ASB18: variants seen among roughly 807,000 people sequenced by gnomAD.
ASB18 encodes ankyrin repeat and SOCS box protein 18.
In ASB18, 33 loss-of-function variants were observed where a neutral mutation model predicts 33.4. The observed-to-expected ratio is 0.99, with a 90% CI of 0.75 to 1.32. The LOEUF (loss-of-function observed/expected upper bound fraction) is 1.32. ASB18 is among the 40% of genes most tolerant of loss of function. The probability of loss-of-function intolerance (pLI) is 0.00; values close to 1 mark genes in which losing one functional copy is unlikely to be tolerated. For missense variants in ASB18, 694 were observed against 655.5 expected (o/e 1.06, Z -0.64); for synonymous variants, 295 against 307.6 (o/e 0.96, Z 0.43).
In ASB18 at chr2:236,255,127, T is replaced by C. The variant is rs2060686255; in HGVS notation, c.205+9014A>G. Reference sequence around the variant, plus strand: ...CAGAACCGTGAGCCAATTAAACCTCTGGTATTTCTTTCTTTTTCTTTTTTT... The same window carrying C: ...CAGAACCGTGAGCCAATTAAACCTCCGGTATTTCTTTCTTTTTCTTTTTTT... On this transcript the variant is annotated intron_variant, in intron 1 of 5. Coordinates refer to ENST00000409749, the MANE Select transcript of ASB18 (RefSeq NM_212556.4). The surrounding 1 kb of genome is among the most constrained non-coding windows in gnomAD (Gnocchi z 4.4). Among the ~76,000 whole-genome samples, 1 of 152,114 alleles carries C rather than the reference T, an allele frequency of 6.6e-6. No homozygotes were observed. The highest frequency in any genetic ancestry group is 6.5e-5 in the Admixed American group (1 of 15,276).
intron 4 of ASB18, among the ~76,000 whole-genome samples, chr2:236,201,194 T>C (rs1429297748): frequency 1.3e-5 from 2 of 151,928 alleles, no homozygotes; most frequent in Non-Finnish European, 2.9e-5. Flanking sequence ...CTCTGTCACC[T>C]ATGCTGCAGT....
rs564676752 is a variant in ASB18, at chr2:236,196,496, C to T, written c.1102-111G>A. On this transcript the variant is annotated intron_variant, in intron 4 of 5. Coordinates refer to ENST00000409749, the MANE Select transcript of ASB18 (RefSeq NM_212556.4). The surrounding 1 kb of genome is among the most constrained non-coding windows in gnomAD (Gnocchi z 5.6). ...TCTCCCTAGCTGTGTGACCTCCCTA[C>T]GCCCAAGCCACACAGGGAACAGCAA... 5.1e-4 allele frequency: 337 copies of T among 656,882 alleles called. 2 individuals are homozygous for T. In the South Asian group the frequency reaches 5.2e-3, roughly 10 times the overall value. The allele number at this position is 656,882 out of a possible 1,614,324, so 40.7% of individuals were successfully genotyped here. A position where few individuals can be genotyped will look rare whatever the true frequency, so the allele number is the denominator to read the frequency against.
chr2:236,237,017 G>C lies in ASB18; in HGVS notation c.596+672C>G, dbSNP rs1479186582. Among the ~76,000 whole-genome samples, 3 of 152,116 alleles carry C rather than the reference G, an allele frequency of 2.0e-5. No individual in the cohort carries two copies. Among genetic ancestry groups the C allele is most frequent in the Non-Finnish European group, 4.4e-5 (3 of 68,014 alleles). On this transcript the variant is annotated intron_variant, in intron 3 of 5. Transcript: ENST00000409749. This position sits in a 1 kb window ranked among gnomAD's most constrained non-coding sequence, Gnocchi z 6.2. ...AGCACACGCTGGGAGGGCGCTCTCT[G>C]GGGACGGGGGCTGCGGGACCCCCAG...
chr2:236,214,337 C>T lies in ASB18; in HGVS notation c.1101+25G>A. On this transcript the variant is annotated intron_variant, in intron 4 of 5. Coordinates refer to ENST00000409749, the MANE Select transcript of ASB18 (RefSeq NM_212556.4). The surrounding 1 kb of genome is among the most constrained non-coding windows in gnomAD (Gnocchi z 6.5). ...AAGTGGCAAAACTCCAGGGCACGTG[C>T]CAGCCGGGCTGGATCCTGCCTTACC... The T allele has an allele frequency of 6.4e-7, 1 of 1,554,344 alleles. No homozygotes were observed.
In ASB18 at chr2:236,239,129, G is replaced by A. The variant is rs1003003600; in HGVS notation, c.329-1173C>T. On this transcript the variant is annotated intron_variant, in intron 2 of 5. Coordinates refer to ENST00000409749, the MANE Select transcript of ASB18 (RefSeq NM_212556.4). This position sits in a 1 kb window ranked among gnomAD's most constrained non-coding sequence, Gnocchi z 5.6. ...GTGAAGACCAGGTCGGATCTGGAGG[G>A]GGTGATGGATGTAGTCTATCTACAT... Among the ~76,000 whole-genome samples the A allele has an allele frequency of 6.6e-6, 1 of 152,152 alleles. No homozygotes were observed. The highest frequency in any genetic ancestry group is 1.5e-5 in the Non-Finnish European group (1 of 68,032).
Position 236,249,638 on chromosome 2 carries a change from C to T in ASB18, c.206-8236G>A, listed in dbSNP as rs1267571213. On this transcript the variant is annotated intron_variant, in intron 1 of 5. Coordinates refer to ENST00000409749, the MANE Select transcript of ASB18 (RefSeq NM_212556.4). The surrounding 1 kb of genome is among the most constrained non-coding windows in gnomAD (Gnocchi z 4.6). ...GAATATAATTTTCTCCAAGCCAGTACATTTAGTATTTTTAGTTTTTCAAAT... is the reference window on the plus strand; with the variant it reads ...GAATATAATTTTCTCCAAGCCAGTATATTTAGTATTTTTAGTTTTTCAAAT... 1 of 152,152 alleles carries T rather than the reference C, an allele frequency of 6.6e-6. No homozygotes were observed. Among genetic ancestry groups the T allele is most frequent in the Non-Finnish European group, 1.5e-5 (1 of 68,036 alleles). 9.4% of individuals were successfully genotyped at this position (152,152 alleles called of 1,614,324 possible). A position where few individuals can be genotyped will look rare whatever the true frequency, so the allele number is the denominator to read the frequency against.
At position 236,200,239 on chromosome 2, in the gene ASB18, C is replaced by T. The variant is rs1049084519; in HGVS notation, c.1102-3854G>A. 2.0e-5 allele frequency among the ~76,000 whole-genome samples: 3 copies of T among 152,074 alleles called. No homozygotes were observed. The highest frequency in any genetic ancestry group is 7.2e-5 in the African/African-American group (3 of 41,400). On this transcript the variant is annotated intron_variant, in intron 4 of 5. Coordinates refer to ENST00000409749, the MANE Select transcript of ASB18 (RefSeq NM_212556.4). This position sits in a 1 kb window ranked among gnomAD's most constrained non-coding sequence, Gnocchi z 4.2. ...TGGTGCACATCTGTAGTCCCAGCTC[C>T]TCGGGAGGCAGAGGTAGGAGAATTG...
At position 236,219,640 on chromosome 2, in the gene ASB18, G is replaced by A. The variant is rs570349106; in HGVS notation, c.597-4774C>T. Among the ~76,000 whole-genome samples the A allele has an allele frequency of 6.6e-6, 1 of 152,288 alleles. No individual in the cohort carries two copies. The highest frequency in any genetic ancestry group is 2.4e-5 in the African/African-American group (1 of 41,550). ...CACCAGTGGAAGAAATGGCCCAGTGGGGAAAGCTTACTGTTTGTCATTTCA... is the reference window on the plus strand; with the variant it reads ...CACCAGTGGAAGAAATGGCCCAGTGAGGAAAGCTTACTGTTTGTCATTTCA... On this transcript the variant is annotated intron_variant, in intron 3 of 5. Transcript: ENST00000409749. The surrounding 1 kb of genome is among the most constrained non-coding windows in gnomAD (Gnocchi z 6.4).
rs2060501797 is a variant in ASB18, at chr2:236,219,584, A to C, written c.597-4718T>G. Among the ~76,000 whole-genome samples, 1 of 152,178 alleles carries C rather than the reference A, an allele frequency of 6.6e-6. No individual in the cohort carries two copies. Among genetic ancestry groups the C allele is most frequent in the South Asian group, 2.1e-4 (1 of 4,824 alleles). ...CCCAGGACCCAGGCCCATCCTTGAAACACTATCATTTCAATCCCTCCTATC... is the reference window on the plus strand; with the variant it reads ...CCCAGGACCCAGGCCCATCCTTGAACCACTATCATTTCAATCCCTCCTATC... On this transcript the variant is annotated intron_variant, in intron 3 of 5. Coordinates refer to ENST00000409749, the MANE Select transcript of ASB18 (RefSeq NM_212556.4). This position sits in a 1 kb window ranked among gnomAD's most constrained non-coding sequence, Gnocchi z 6.4.
Position 236,197,078 on chromosome 2 carries a change from C to G in ASB18, c.1102-693G>C, listed in dbSNP as rs571403322. Among the ~76,000 whole-genome samples the G allele has an allele frequency of 3.9e-5, 6 of 152,216 alleles. No homozygotes were observed. In the East Asian group the frequency reaches 5.8e-4, roughly 15 times the overall value. Reference sequence around the variant, plus strand: ...TAAACTCCCATGTATCCCCGCCCCCCCCATCAACCCATGGTTGATCCTGCC... The same window carrying G: ...TAAACTCCCATGTATCCCCGCCCCCGCCATCAACCCATGGTTGATCCTGCC... On this transcript the variant is annotated intron_variant, in intron 4 of 5. Transcript: ENST00000409749.
At chr2:236,236,990 G>A (rs1217928182) in intron 3 of ASB18, among the ~76,000 whole-genome samples, 1 of 152,088 alleles carries the variant, frequency 6.6e-6, no homozygotes, top group African/African-American at 2.4e-5. Flanking sequence ...TCCGAGACCC[G>A]GAGCACACGC....
chr2:236,258,706 C>A (rs549804748), intron 1 of ASB18, among the ~76,000 whole-genome samples: 1 of 152,258 alleles, frequency 6.6e-6, no homozygotes, highest in East Asian at 1.9e-4. Flanking sequence ...TGCAAATGGA[C>A]CCCATTTTCA....
rs1553601614 is a variant in ASB18, at chr2:236,238,610, G to GTGT, written c.329-655_329-654insACA. Among the ~76,000 whole-genome samples, 1 of 150,270 alleles carries GTGT rather than the reference G, an allele frequency of 6.7e-6. No homozygotes were observed. Among genetic ancestry groups the GTGT allele is most frequent in the Non-Finnish European group, 1.5e-5 (1 of 67,616 alleles). ...GGTTTGTTTCTTTGCGCTTTTTAGGGGTGTGTGTGTGTGTGTGTGTAGGGT... is the reference window on the plus strand; with the variant it reads ...GGTTTGTTTCTTTGCGCTTTTTAGGGTGTGTGTGTGTGTGTGTGTGTGTAGGGT... On this transcript the variant is annotated intron_variant, in intron 2 of 5. Coordinates refer to ENST00000409749, the MANE Select transcript of ASB18 (RefSeq NM_212556.4). The surrounding 1 kb of genome is among the most constrained non-coding windows in gnomAD (Gnocchi z 5.2).
chr2:236,215,136 CTGCT>C lies in ASB18; in HGVS notation c.597-274_597-271del, dbSNP rs922266853. 6.6e-6 allele frequency among the ~76,000 whole-genome samples: 1 copy of C among 151,610 alleles called. No homozygotes were observed. The highest frequency in any genetic ancestry group is 1.5e-5 in the Non-Finnish European group (1 of 67,898). ...GTTACAATTTATAAGGAAATTTTAA[CTGCT>C]TGGAGCTTCCTGGGAAGGTGATGTG... On this transcript the variant is annotated intron_variant, in intron 3 of 5. Coordinates refer to ENST00000409749, the MANE Select transcript of ASB18 (RefSeq NM_212556.4). This position sits in a 1 kb window ranked among gnomAD's most constrained non-coding sequence, Gnocchi z 7.2.
intron 4 of ASB18, among the ~76,000 whole-genome samples, chr2:236,210,177 G>T (rs1411174887): frequency 6.6e-6 from 1 of 152,158 alleles, no homozygotes; most frequent in South Asian, 2.1e-4. Flanking sequence ...TCCTCACTGT[G>T]ACTCCAGTAC....
chr2:236,237,783 C>G lies in ASB18; in HGVS notation c.502G>C (p.Val168Leu). 1 of 1,442,154 alleles carries G rather than the reference C, an allele frequency of 6.9e-7. No homozygotes were observed. The highest frequency in any genetic ancestry group is 9.1e-7 in the Non-Finnish European group (1 of 1,102,076). 89.3% of individuals were successfully genotyped at this position (1,442,154 alleles called of 1,614,324 possible). A position where few individuals can be genotyped will look rare whatever the true frequency, so the allele number is the denominator to read the frequency against. ...EACLGGHTAC[V>L]RLLLQHRADP... ...GCGCGGTGCTGCAGCAGCAGGCGGA[C>G]GCAGGCGGTGTGGCCCCCGAGGCAG... Residue 168 changes from valine (V) to leucine (L), a missense_variant, in exon 3 of 6, where the codon GTC becomes CTC. Physicochemically the swap from Val to Leu is conservative, Grantham distance 32. Transcript: ENST00000409749. This position sits in a 1 kb window ranked among gnomAD's most constrained non-coding sequence, Gnocchi z 6.2.
chr2:236,206,768 C>A (rs1173877754), intron 4 of ASB18, among the ~76,000 whole-genome samples: 1 of 152,182 alleles, frequency 6.6e-6, no homozygotes, highest in African/African-American at 2.4e-5. Flanking sequence ...TGCTGAGATT[C>A]CAACAAGGGG....
Position 236,204,286 on chromosome 2 carries a change from C to T in ASB18, c.1102-7901G>A, listed in dbSNP as rs184602201. On this transcript the variant is annotated intron_variant, in intron 4 of 5. Transcript: ENST00000409749. This position sits in a 1 kb window ranked among gnomAD's most constrained non-coding sequence, Gnocchi z 5.1. ...CTCACTTTACTTGCTGTGTCAGCCA[C>T]GCCTGACATGTTGACGATGTCTTCC... 1.6e-3 allele frequency among the ~76,000 whole-genome samples: 251 copies of T among 152,264 alleles called. No individual in the cohort carries two copies. The highest frequency in any genetic ancestry group is 5.2e-3 in the Admixed American group (79 of 15,304).
At position 236,248,017 on chromosome 2, in the gene ASB18, A is replaced by T. The variant is rs575729752; in HGVS notation, c.206-6615T>A. ...TAGAATTTTCTTTTGTGACAGGGTT[A>T]TCATAAATATGCAGACGGGGTGTAG... is the stretch of plus-strand genomic sequence containing the variant. On this transcript the variant is annotated intron_variant, in intron 1 of 5. Coordinates refer to ENST00000409749, the MANE Select transcript of ASB18 (RefSeq NM_212556.4). The surrounding 1 kb of genome is among the most constrained non-coding windows in gnomAD (Gnocchi z 4.9). The T allele has an allele frequency of 6.6e-6, 1 of 152,356 alleles. No homozygotes were observed. The highest frequency in any genetic ancestry group is 1.9e-4 in the East Asian group (1 of 5,184). 9.4% of individuals were successfully genotyped at this position (152,356 alleles called of 1,614,324 possible). A position where few individuals can be genotyped will look rare whatever the true frequency, so the allele number is the denominator to read the frequency against.
Sources: gnomAD v4.1 joint callset for allele counts (sites outside exome capture counted in the v4.1 genomes callset) on GRCh38, gnomAD v4.1.1 for gene constraint, Gnocchi (gnomAD v3.1) non-coding constraint, MANE v1.5 for transcripts, NCBI Gene and HGNC (gene_info 2026-07-23, HGNC 2026-07-21) for gene names.